The following FRMD4A variants were observed in gnomAD, a reference collection of about 807,000 sequenced individuals.
FRMD4A encodes FERM domain-containing protein 4A.
FRMD4A carries 29 observed loss-of-function variants against 129.1 expected under a neutral mutation model. The ratio of observed to expected loss-of-function variants is 0.22; its 90% CI spans 0.17 to 0.31. FRMD4A has a LOEUF of 0.31. Ranked by LOEUF, FRMD4A falls within the 10% of genes least tolerant of loss-of-function variation. The pLI is 1.00. For synonymous variants in FRMD4A, 634 were observed against 571.6 expected, an observed-to-expected ratio of 1.11 and a Z score of -1.56; for missense variants, 1,272 against 1,375.8, an observed-to-expected ratio of 0.92 and a Z score of 1.19.
intron 2 of FRMD4A, among the ~76,000 whole-genome samples, chr10:14,320,667 T>C (rs1022658082): frequency 6.6e-6 from 1 of 152,234 alleles, no homozygotes; most frequent in African/African-American, 2.4e-5. Flanking sequence ...GCATTTTCAG[T>C]ACTTCTTATT....
rs1554898662 is a variant in FRMD4A at position 13,789,804 on chromosome 10, T to TGTGTGTGTG, written c.299+6691_299+6692insCACACACAC. ...GTGTGTGTGTGTGTGTGTGTGTGTG[T>TGTGTGTGTG]TGTGTGGTGAGGGGAGTGGGAAGAG... On this transcript the variant is annotated intron_variant, in intron 5 of 24. Coordinates refer to ENST00000357447, the MANE Select transcript of FRMD4A (RefSeq NM_018027.5). Among the ~76,000 whole-genome samples, 243 of 104,168 alleles carry TGTGTGTGTG rather than the reference T, an allele frequency of 2.3e-3. 2 individuals carry two copies. The highest frequency in any genetic ancestry group is 7.6e-3 in the African/African-American group (219 of 28,938). 68.3% of individuals were successfully genotyped at this position (104,168 alleles called of 152,430 possible). A position where few individuals can be genotyped will look rare whatever the true frequency, so the allele number is the denominator to read the frequency against.
chr10:13,683,631 G>T (rs1023473394), intron 15 of FRMD4A, among the ~76,000 whole-genome samples: 7 of 151,706 alleles, frequency 4.6e-5, no homozygotes, highest in African/African-American at 1.7e-4. Flanking sequence ...ACAGGTAGTA[G>T]TTGCCGTAGA....
intron 2 of FRMD4A, among the ~76,000 whole-genome samples, chr10:14,105,636 C>T (rs930971322): frequency 6.6e-6 from 1 of 152,122 alleles, no homozygotes; most frequent in Non-Finnish European, 1.5e-5. Flanking sequence ...CTTAGACTTT[C>T]CTAATTGTGT....
intron 2 of FRMD4A, among the ~76,000 whole-genome samples, chr10:14,000,407 G>A (rs2095637486): frequency 6.6e-6 from 1 of 151,932 alleles, no homozygotes; most frequent in Admixed American, 6.6e-5. Flanking sequence ...AGCAGTTTGG[G>A]AGGCTAAAGC....
chr10:13,800,811 T>A (rs956429077), intron 4 of FRMD4A, among the ~76,000 whole-genome samples: 1 of 152,240 alleles, frequency 6.6e-6, no homozygotes, highest in African/African-American at 2.4e-5. Flanking sequence ...GACAGATGGA[T>A]TCCCCCTCTA....
chr10:14,063,479 A>T (rs529462769), intron 2 of FRMD4A, among the ~76,000 whole-genome samples: 34 of 152,164 alleles, frequency 2.2e-4, no homozygotes, highest in Non-Finnish European at 4.4e-4. Context: ...AGGTTCAGAG[A>T]GTTCAAGGAA....
chr10:13,798,676 C>G (rs1447498695), intron 4 of FRMD4A, among the ~76,000 whole-genome samples: 1 of 152,210 alleles, frequency 6.6e-6, no homozygotes, highest in Non-Finnish European at 1.5e-5. Context: ...GAGATGGCGC[C>G]ACCGCACTCC....
chr10:14,137,109 G>A (rs1839578568), intron 2 of FRMD4A, among the ~76,000 whole-genome samples: 1 of 152,252 alleles, frequency 6.6e-6, no homozygotes, highest in Non-Finnish European at 1.5e-5. Flanking sequence ...GATCTCTGGT[G>A]ATCCAGCAGA....
chr10:13,680,054 G>A (rs1442708522), intron 15 of FRMD4A, among the ~76,000 whole-genome samples: 1 of 152,238 alleles, frequency 6.6e-6, no homozygotes, highest in Non-Finnish European at 1.5e-5. Flanking sequence ...GAGAAATCAA[G>A]AGGTGGAGGT....
chr10:14,100,315 C>T (rs1837235108), intron 2 of FRMD4A, among the ~76,000 whole-genome samples: 1 of 152,116 alleles, frequency 6.6e-6, no homozygotes, highest in South Asian at 2.1e-4. Flanking sequence ...TCGATGGCAG[C>T]CAGAGCTTGA....
At chr10:13,886,602 A>G (rs1309576430) in intron 2 of FRMD4A, among the ~76,000 whole-genome samples, 1 of 151,838 alleles carries the variant, frequency 6.6e-6, no homozygotes, top group Non-Finnish European at 1.5e-5. Context: ...TTTTTTAGAG[A>G]CAGGTTCTCC....
At position 13,646,311 on chromosome 10, in the gene FRMD4A, A is replaced by AT. The variant is rs558416027; in HGVS notation, c.*726dup. 1.3e-5 allele frequency: 2 copies of AT among 152,510 alleles called. No individual in the cohort carries two copies. The highest frequency in any genetic ancestry group is 6.5e-5 in the Admixed American group (1 of 15,274). The allele number at this position is 152,510 out of a possible 1,614,324, so 9.4% of individuals were successfully genotyped here. On this transcript the variant is annotated 3_prime_UTR_variant, in exon 25 of 25. Coordinates refer to ENST00000357447, the MANE Select transcript of FRMD4A (RefSeq NM_018027.5). ...AATGTCTTCCTCTTGGCCCCTCTTA[A>AT]TTTTTTATGTTTTTATTTATTTTTA...
intron 2 of FRMD4A, among the ~76,000 whole-genome samples, chr10:13,911,252 C>T (rs75970037): frequency 0.11 from 16,677 of 152,176 alleles, 1,111 homozygotes; most frequent in Non-Finnish European, 0.16. Flanking sequence ...TTTTCCTGCA[C>T]ATGATAAGAT....
chr10:13,702,904 A>G (rs2086988920), intron 13 of FRMD4A, among the ~76,000 whole-genome samples: 1 of 69,656 alleles, frequency 1.4e-5, no homozygotes. Context: ...GGTTCCAACA[A>G]AAGTGAAGGA....
intron 9 of FRMD4A, among the ~76,000 whole-genome samples, chr10:13,747,371 T>C (rs2091345971): frequency 6.6e-6 from 1 of 151,562 alleles, no homozygotes; most frequent in East Asian, 1.9e-4. Flanking sequence ...ACCCGGTCTC[T>C]ACTAAAAATA....
chr10:13,704,026 A>G (rs2087142288), intron 13 of FRMD4A, among the ~76,000 whole-genome samples: 2 of 151,880 alleles, frequency 1.3e-5, no homozygotes, highest in African/African-American at 4.8e-5. Flanking sequence ...AAACAAACAA[A>G]CAAAAAAACA....
At chr10:13,707,948 A>G (rs764875459) in intron 12 of FRMD4A, 12 of 941,812 alleles carry the variant, frequency 1.3e-5, no homozygotes, top group African/African-American at 1.8e-5. Flanking sequence ...CAATTGCTCC[A>G]GGAACGGGGT....
chr10:13,721,481 C>CAAA (rs142931206), intron 12 of FRMD4A, among the ~76,000 whole-genome samples: 1 of 150,396 alleles, frequency 6.6e-6, no homozygotes, highest in African/African-American at 2.4e-5. Context: ...AACTCTGCCT[C>CAAA]AAAAAAAAAG....
intron 15 of FRMD4A, among the ~76,000 whole-genome samples, chr10:13,687,089 G>A (rs776184613): frequency 2.6e-5 from 4 of 152,080 alleles, no homozygotes; most frequent in East Asian, 1.9e-4. Flanking sequence ...TCAAGAGTTC[G>A]AGACCATCCT....
Sources: allele counts gnomAD v4.1 joint callset (sites outside exome capture counted in the v4.1 genomes callset), GRCh38; gene constraint gnomAD v4.1.1; transcripts MANE v1.5; gene names NCBI Gene and HGNC (gene_info 2026-07-23, HGNC 2026-07-21).